Variants in SPRY3 observed in about 807,000 individuals in gnomAD.
The protein encoded by SPRY3 is protein sprouty homolog 3.
In SPRY3, 15 loss-of-function variants were observed where a neutral mutation model predicts 20.2. That is an observed-to-expected ratio of 0.74 (90% CI 0.50 to 1.14). The LOEUF (loss-of-function observed/expected upper bound fraction) is 1.14. Among genes scored for constraint, SPRY3 ranks in the 50% most tolerant of loss-of-function variants. The pLI is 0.00. For synonymous variants in SPRY3, 143 were observed against 136.5 expected, an observed-to-expected ratio of 1.05 and a Z score of -0.33; for missense variants, 364 against 363.9, an observed-to-expected ratio of 1.00 and a Z score of 0.00.
At chrX:155,758,735 C>T (rs6655071) in intron 2 of SPRY3, among the ~76,000 whole-genome samples, 1 of 151,924 alleles carries the variant, frequency 6.6e-6, no homozygotes, top group African/African-American at 2.4e-5. Context: ...CAAAACATGA[C>T]AAAATGAGTT....
At chrX:155,690,422 C>T (rs1174771219) in intron 2 of SPRY3, among the ~76,000 whole-genome samples, 2 of 87,836 alleles carry the variant, frequency 2.3e-5, no homozygotes, top group Non-Finnish European at 4.3e-5. Context: ...AACCAAGACC[C>T]ATTGGTATGC....
chrX:155,732,726 A>G (rs910086242), intron 2 of SPRY3, among the ~76,000 whole-genome samples: 1 of 152,094 alleles, frequency 6.6e-6, no homozygotes, highest in Non-Finnish European at 1.5e-5. Flanking sequence ...ACTATTCACA[A>G]TAGTCAAGAT....
At chrX:155,726,553 T>G (rs650172) in intron 2 of SPRY3, among the ~76,000 whole-genome samples, 89,902 of 151,864 alleles carry the variant, frequency 0.59, 27,602 homozygotes, top group African/African-American at 0.89. Flanking sequence ...TTGTTGAATT[T>G]ATCCCTTTAC....
At chrX:155,625,448 A>G (rs1280655300) in intron 1 of SPRY3, among the ~76,000 whole-genome samples, 2 of 111,769 alleles carry the variant, frequency 1.8e-5, no homozygotes, top group East Asian at 2.8e-4. Context: ...TTTTCCCCTG[A>G]TATCAAATAT....
At chrX:155,665,607 G>T (rs1014409198) in intron 2 of SPRY3, among the ~76,000 whole-genome samples, 1 of 111,254 alleles carries the variant, frequency 9.0e-6, no homozygotes, top group Non-Finnish European at 1.9e-5. Context: ...GATGCAAAAG[G>T]TATGTACAGT....
chrX:155,621,755 T>C (rs191737873), intron 1 of SPRY3, among the ~76,000 whole-genome samples: 1 of 111,780 alleles, frequency 8.9e-6, no homozygotes, highest in African/African-American at 3.2e-5. Context: ...GCCCAACTTC[T>C]CTAGTATGAC....
chrX:155,707,177 G>T (rs1225396731), intron 2 of SPRY3, among the ~76,000 whole-genome samples: 1 of 151,026 alleles, frequency 6.6e-6, no homozygotes, highest in Non-Finnish European at 1.5e-5. Flanking sequence ...CATAAATTTC[G>T]ATACGTTTTG....
chrX:155,757,623 T>TCCATCCTGCA (rs1438869785), intron 2 of SPRY3, among the ~76,000 whole-genome samples: 5 of 152,270 alleles, frequency 3.3e-5, no homozygotes, highest in Admixed American at 2.6e-4. Context: ...TGTATCATGC[T>TCCATCCTGCA]TTCTGCATGA....
intron 2 of SPRY3, among the ~76,000 whole-genome samples, chrX:155,742,684 C>G (rs1262470098): frequency 6.6e-6 from 1 of 152,148 alleles, no homozygotes; most frequent in African/African-American, 2.4e-5. Flanking sequence ...AAGAAACTCA[C>G]TCAAAATCAC....
At chrX:155,637,342 T>C (rs2067927126) in intron 1 of SPRY3, among the ~76,000 whole-genome samples, 1 of 111,311 alleles carries the variant, frequency 9.0e-6, no homozygotes, top group Admixed American at 9.5e-5. Context: ...CAGGCCACAC[T>C]GTGTGTTATG....
At chrX:155,671,793 G>C (rs892410106) in intron 2 of SPRY3, among the ~76,000 whole-genome samples, 10 of 111,354 alleles carry the variant, frequency 9.0e-5, no homozygotes, top group Non-Finnish European at 1.7e-4. Flanking sequence ...TAATATTTAA[G>C]TCTTTAATCC....
chrX:155,629,238 T>C (rs1557350225), intron 1 of SPRY3, among the ~76,000 whole-genome samples: 6 of 100,486 alleles, frequency 6.0e-5, no homozygotes, highest in Non-Finnish European at 6.0e-5. Flanking sequence ...TTCCCACCTA[T>C]GAGTGAGAAC....
intron 3 of SPRY3, among the ~76,000 whole-genome samples, chrX:155,773,307 G>GTTATAT (rs4013148): frequency 0.034 from 4,113 of 120,594 alleles, 118 homozygotes; most frequent in East Asian, 0.058. Flanking sequence ...ATTTTGATTG[G>GTTATAT]ATATATATAT....
At chrX:155,625,276 A>T (rs1276923914) in intron 1 of SPRY3, among the ~76,000 whole-genome samples, 4 of 111,551 alleles carry the variant, frequency 3.6e-5, no homozygotes, top group Admixed American at 1.9e-4. Context: ...TATACCTATC[A>T]TTCAGCTTCA....
intron 1 of SPRY3, among the ~76,000 whole-genome samples, chrX:155,653,730 T>C (rs2067983980): frequency 8.9e-6 from 1 of 112,336 alleles, no homozygotes; most frequent in Non-Finnish European, 1.9e-5. Context: ...ATTTGGCTAC[T>C]TGGACTCATT....
At chrX:155,692,855 CTT>C (rs984528268) in intron 2 of SPRY3, among the ~76,000 whole-genome samples, 18 of 111,712 alleles carry the variant, frequency 1.6e-4, no homozygotes, top group African/African-American at 5.2e-4. Flanking sequence ...CTTTTAATGA[CTT>C]AATGATATGT....
rs781914648 is a variant in SPRY3 at position 155,643,088 on chromosome X, C to A, written c.-440-13779C>A. ...GAAAGTTGTGTGTTGAAGTCTCCAG[C>A]TATTATTGTATTGGGATCTCTCTCT... On this transcript the variant is annotated intron_variant, in intron 1 of 3. Transcript: ENST00000675360. 7.3e-4 allele frequency among the ~76,000 whole-genome samples: 82 copies of A among 111,641 alleles called. 1 individual carries two copies. Among genetic ancestry groups the A allele is most frequent in the Non-Finnish European group, 2.3e-4 (12 of 53,063 alleles).
chrX:155,645,251 G>A (rs2067954166), intron 1 of SPRY3, among the ~76,000 whole-genome samples: 1 of 111,770 alleles, frequency 8.9e-6, no homozygotes, highest in Non-Finnish European at 1.9e-5. Context: ...TAGATGAAAG[G>A]GGTCTCCTCT....
At chrX:155,740,257 T>C (rs1158504785) in intron 2 of SPRY3, among the ~76,000 whole-genome samples, 2 of 152,164 alleles carry the variant, frequency 1.3e-5, no homozygotes, top group Non-Finnish European at 2.9e-5. Flanking sequence ...CATTTGTGTT[T>C]GAACAATATG....
Sources: allele counts gnomAD v4.1 joint callset (sites outside exome capture counted in the v4.1 genomes callset), GRCh38; gene constraint gnomAD v4.1.1; transcripts MANE v1.5; gene names NCBI Gene and HGNC (gene_info 2026-07-23, HGNC 2026-07-21).